Variants in DCTN4 observed in about 807,000 individuals in gnomAD.
DCTN4 encodes the protein dynactin 4 (p62).
Under a neutral mutation model 62.7 loss-of-function variants are expected in DCTN4, and 23 were observed. The ratio of observed to expected loss-of-function variants is 0.37; its 90% CI spans 0.26 to 0.52. DCTN4 has a LOEUF of 0.52. Among genes scored for constraint, DCTN4 ranks in the 20% least tolerant of loss-of-function variants. DCTN4 has a pLI of 0.92. For missense variants in DCTN4, 514 were observed against 580.4 expected, an observed-to-expected ratio of 0.89 and a Z score of 1.18; for synonymous variants, 199 against 202.1, an observed-to-expected ratio of 0.98 and a Z score of 0.13.
intron 1 of DCTN4, among the ~76,000 whole-genome samples, chr5:150,757,332 C>T (rs1752898422): frequency 6.6e-6 from 1 of 152,174 alleles, no homozygotes; most frequent in South Asian, 2.1e-4. Context: ...ACAAGTCATT[C>T]CTTTTTGCCC....
At chr5:150,722,105 T>C (rs1472544172) in intron 9 of DCTN4, among the ~76,000 whole-genome samples, 2 of 152,208 alleles carry the variant, frequency 1.3e-5, no homozygotes, top group African/African-American at 4.8e-5. Flanking sequence ...GGATCACAAG[T>C]GTGAGCCACT....
intron 3 of DCTN4, among the ~76,000 whole-genome samples, chr5:150,745,725 GATGT>G (rs1760936861): frequency 6.6e-6 from 1 of 152,090 alleles, no homozygotes; most frequent in Non-Finnish European, 1.5e-5. Flanking sequence ...CAGAAATAAA[GATGT>G]TCTTTGAAAC....
Position 150,745,922 on chromosome 5 carries a change from G to C in DCTN4, c.386-3765C>G, listed in dbSNP as rs1255973788. Among the ~76,000 whole-genome samples, 3 of 151,650 alleles carry C rather than the reference G, an allele frequency of 2.0e-5. No individual in the cohort carries two copies. In the East Asian group the frequency reaches 5.8e-4, roughly 29 times the overall value. ...CAAACACATTCAAAAGCTAGCAAAA[G>C]GCAAGAAATAACTAAAATCAGAGCA... On this transcript the variant is annotated intron_variant, in intron 3 of 12. Transcript: ENST00000447998.
At chr5:150,741,896 G>C (rs114136906) in intron 4 of DCTN4, among the ~76,000 whole-genome samples, 1,944 of 152,278 alleles carry the variant, frequency 0.013, 14 homozygotes, top group Non-Finnish European at 0.018. Context: ...TTCAAATACA[G>C]AACTAAAGCT....
At position 150,731,033 on chromosome 5, in the gene DCTN4, C is replaced by T; in HGVS notation, c.724+11G>A. 6.8e-7 allele frequency: 1 copy of T among 1,479,900 alleles called. No individual in the cohort carries two copies. The highest frequency in any genetic ancestry group is 9.4e-7 in the Non-Finnish European group (1 of 1,065,528). The allele number at this position is 1,479,900 out of a possible 1,614,324, so 91.7% of individuals were successfully genotyped here. On this transcript the variant is annotated intron_variant, in intron 7 of 12. Coordinates refer to ENST00000447998, the MANE Select transcript of DCTN4 (RefSeq NM_016221.4). ...AGACTAGAAACAAAGTAGAAAAACA[C>T]AGAAAATTACCCTCTGTTAAATTTA... is the stretch of plus-strand genomic sequence containing the variant.
Position 150,714,467 on chromosome 5 carries a change from A to G in DCTN4, c.1169+1098T>C, listed in dbSNP as rs189507330. Among the ~76,000 whole-genome samples, 561 of 152,052 alleles carry G rather than the reference A, an allele frequency of 3.7e-3. 5 individuals are homozygous for G. Among genetic ancestry groups the G allele is most frequent in the African/African-American group, 0.013 (536 of 41,468 alleles). ...TCACAGCTGACTGCAGCCTCAGCCT[A>G]CCGGGCTCAACTGATTCTCCCACCC... On this transcript the variant is annotated intron_variant, in intron 12 of 12. Coordinates refer to ENST00000447998, the MANE Select transcript of DCTN4 (RefSeq NM_016221.4).
rs1336710218 is a variant in DCTN4 at position 150,710,363 on chromosome 5, GCAT to G, written c.*783_*785del. 4 of 152,318 alleles carry G rather than the reference GCAT, an allele frequency of 2.6e-5. No homozygotes were observed. The highest frequency in any genetic ancestry group is 6.5e-5 in the Admixed American group (1 of 15,280). 9.4% of individuals were successfully genotyped at this position (152,318 alleles called of 1,614,324 possible). ...AAATAAAGATTGCCCCCCTGTGGCA[GCAT>G]TAATCCCTGGGTATTGTGGCAATAT... On this transcript the variant is annotated 3_prime_UTR_variant, in exon 13 of 13. Transcript: ENST00000447998.
intron 3 of DCTN4, 136 bp downstream of exon 3, chr5:150,753,343 G>T: frequency 2.9e-6 from 2 of 682,714 alleles, no homozygotes; most frequent in Non-Finnish European, 4.8e-6. Context: ...GAACATATGG[G>T]AACACAGAAG....
intron 1 of DCTN4, among the ~76,000 whole-genome samples, chr5:150,756,934 A>C (rs1014551482): frequency 2.6e-5 from 4 of 152,350 alleles, no homozygotes; most frequent in Admixed American, 2.6e-4. Context: ...GAAGTAATAC[A>C]GGTTGACTGA....
intron 12 of DCTN4, 66 bp from the exon 13 acceptor site, chr5:150,711,428 A>G: frequency 7.8e-7 from 1 of 1,276,726 alleles, no homozygotes; most frequent in South Asian, 1.2e-5. Context: ...TAAGACTTAC[A>G]GTAAAAGTCT....
chr5:150,731,951 A>G (rs1202259876), intron 5 of DCTN4: 14 of 1,541,164 alleles, frequency 9.1e-6, no homozygotes, highest in Admixed American at 2.0e-5. Flanking sequence ...GAGACAAAAA[A>G]TGCAGCATAA....
chr5:150,731,361 A>T (rs867572349), intron 6 of DCTN4, 55 bp downstream of exon 6: 115 of 1,398,328 alleles, frequency 8.2e-5, no homozygotes, highest in Admixed American at 1.1e-4. Context: ...CATTTATTTG[A>T]TATTCATTTT....
rs558984919 is a variant in DCTN4 at position 150,752,445 on chromosome 5, T to C, written c.385+1034A>G. On this transcript the variant is annotated intron_variant, in intron 3 of 12. Transcript: ENST00000447998. ...ATATACGTAAAAGTTTTTGAGCACA[T>C]GTTTGAATGCTCCAGGACAGACATT... is the stretch of plus-strand genomic sequence containing the variant. 7.2e-5 allele frequency among the ~76,000 whole-genome samples: 11 copies of C among 152,324 alleles called. 1 individual carries two copies. The highest frequency in any genetic ancestry group is 1.5e-4 in the Non-Finnish European group (10 of 68,026).
In DCTN4 at chr5:150,729,042, C is replaced by CCTTTTTTTTTTTT. The variant is rs762124472; in HGVS notation, c.834+1588_834+1589insAAAAAAAAAAAAG. 6.1e-4 allele frequency among the ~76,000 whole-genome samples: 32 copies of CCTTTTTTTTTTTT among 52,148 alleles called. 4 individuals are homozygous for CCTTTTTTTTTTTT. Among genetic ancestry groups the CCTTTTTTTTTTTT allele is most frequent in the African/African-American group, 1.3e-3 (17 of 13,134 alleles). 34.2% of individuals were successfully genotyped at this position (52,148 alleles called of 152,430 possible). A position where few individuals can be genotyped will look rare whatever the true frequency, so the allele number is the denominator to read the frequency against. ...ACAAGTGTGTGAACCACCACACTGG[C>CCTTTTTTTTTTTT]TTTTTTTTTTTTTTTTTTTTTTTTT... On this transcript the variant is annotated intron_variant, in intron 8 of 12. Transcript: ENST00000447998.
intron 2 of DCTN4, among the ~76,000 whole-genome samples, chr5:150,755,363 A>G (rs1752821020): frequency 6.6e-6 from 1 of 152,216 alleles, no homozygotes; most frequent in South Asian, 2.1e-4. Context: ...CTGTGACAGT[A>G]ATTTTCCTTC....
chr5:150,756,577 T>C (rs974152320), intron 1 of DCTN4, 90 bp from the exon 2 acceptor site: 48 of 715,900 alleles, frequency 6.7e-5, no homozygotes, highest in Admixed American at 4.4e-4. Flanking sequence ...TTTTAAAATA[T>C]GTTATACTGT....
At chr5:150,736,503 G>A (rs896464818) in intron 4 of DCTN4, among the ~76,000 whole-genome samples, 3 of 152,120 alleles carry the variant, frequency 2.0e-5, no homozygotes, top group Admixed American at 6.6e-5. Context: ...TGTATCCAGC[G>A]AAACTAAGCT....
intron 4 of DCTN4, among the ~76,000 whole-genome samples, chr5:150,741,072 G>A (rs1412627635): frequency 6.7e-6 from 1 of 149,856 alleles, no homozygotes; most frequent in Non-Finnish European, 1.5e-5. Flanking sequence ...GGCTGAGGTG[G>A]GAGGATTGCT....
At chr5:150,729,042 C>CCTTTT (rs762124472) in intron 8 of DCTN4, among the ~76,000 whole-genome samples, 801 of 52,156 alleles carry the variant, frequency 0.015, 75 homozygotes, top group East Asian at 0.091. Context: ...ACCACACTGG[C>CCTTTT]TTTTTTTTTT....
Sources: allele counts gnomAD v4.1 joint callset (sites outside exome capture counted in the v4.1 genomes callset), GRCh38; gene constraint gnomAD v4.1.1; transcripts MANE v1.5; gene names NCBI Gene and HGNC (gene_info 2026-07-23, HGNC 2026-07-21).